ELAVL1: variants seen among roughly 807,000 people sequenced by gnomAD.
The protein encoded by ELAVL1 is ELAV-like protein 1.
ELAVL1 carries 1 observed loss-of-function variant against 28.4 expected under a neutral mutation model. That is an observed-to-expected ratio of 0.04 (90% CI 0.01 to 0.17). The LOEUF (loss-of-function observed/expected upper bound fraction) is 0.17, where lower values mean the gene tolerates loss of function less well. Ranked by LOEUF, ELAVL1 falls within the 10% of genes least tolerant of loss-of-function variation. The pLI is 1.00. For missense variants in ELAVL1, 157 were observed against 447.2 expected (o/e 0.35, Z 5.85); for synonymous variants, 174 against 183.5 (o/e 0.95, Z 0.42).
At chr19:7,980,976 C>T (rs375409571) in intron 3 of ELAVL1, 107 bp downstream of exon 3, 12 of 1,105,176 alleles carry the variant, frequency 1.1e-5, no homozygotes, top group South Asian at 9.0e-5. Context: ...CCCCGAGGAG[C>T]GGCTGTGCTC....
chr19:7,970,377 G>A (rs1173593729), intron 4 of ELAVL1, among the ~76,000 whole-genome samples: 1 of 152,168 alleles, frequency 6.6e-6, no homozygotes, highest in African/African-American at 2.4e-5. Flanking sequence ...GGATGGTCTC[G>A]ACCTCTCGAC....
chr19:8,003,355 C>CAAAAAAAAAAAAAAAAAAAAAAA (rs71165248), intron 1 of ELAVL1, among the ~76,000 whole-genome samples: 8 of 61,068 alleles, frequency 1.3e-4, no homozygotes, highest in South Asian at 9.8e-4. Context: ...GAAACTGTCT[C>CAAAAAAAAAAAAAAAAAAAAAAA]AAAAAAAAAA....
chr19:7,988,398 T>C (rs1442313527), intron 2 of ELAVL1, among the ~76,000 whole-genome samples: 1 of 151,678 alleles, frequency 6.6e-6, no homozygotes, highest in Non-Finnish European at 1.5e-5. Context: ...AAGAGGAGAA[T>C]GACATAACCC....
intron 2 of ELAVL1, among the ~76,000 whole-genome samples, chr19:7,988,457 AGGCGCTAAAGACAGATGGGGCAT>A (rs1490264430): frequency 6.6e-6 from 1 of 152,172 alleles, no homozygotes; most frequent in African/African-American, 2.4e-5. Flanking sequence ...GGCTGGGGAA[AGGCGCTAAAGACAGATGGGGCAT>A]GGCCTCAGGG....
intron 1 of ELAVL1, among the ~76,000 whole-genome samples, chr19:8,004,022 G>A (rs1004903930): frequency 6.6e-6 from 1 of 152,180 alleles, no homozygotes; most frequent in African/African-American, 2.4e-5. Flanking sequence ...CCACTTTAGT[G>A]CATGAGACTG....
chr19:8,002,102 G>A, intron 1 of ELAVL1: 2 of 1,289,310 alleles, frequency 1.6e-6, no homozygotes, highest in Non-Finnish European at 2.0e-6. Flanking sequence ...GAGCACTCCT[G>A]CCACCACTAC....
At chr19:7,967,016 T>G (rs932981597) in intron 5 of ELAVL1, among the ~76,000 whole-genome samples, 3 of 151,520 alleles carry the variant, frequency 2.0e-5, no homozygotes, top group Non-Finnish European at 4.4e-5. Flanking sequence ...TGGTGGGGAC[T>G]GGTGCTGTCT....
chr19:7,996,014 G>A (rs965818438), intron 1 of ELAVL1, among the ~76,000 whole-genome samples: 22 of 151,772 alleles, frequency 1.4e-4, no homozygotes, highest in Non-Finnish European at 2.9e-4. Flanking sequence ...TTGGGTTCAA[G>A]CAATCCTCCT....
Position 7,991,764 on chromosome 19 carries a change from C to G in ELAVL1, c.52G>C (p.Gly18Arg). 2 of 1,614,146 alleles carry G rather than the reference C, an allele frequency of 1.2e-6. No homozygotes were observed. Among genetic ancestry groups the G allele is most frequent in the Non-Finnish European group, 1.7e-6 (2 of 1,180,034 alleles). Reference protein sequence around the residue: ...HMAEDCRGDIGRTNLIVNYLP... With the variant: ...HMAEDCRGDIRRTNLIVNYLP... Reference sequence around the variant, plus strand: ...TAGTTGACGATCAAATTCGTTCTCCCGATGTCACCCCTGCAGTCTTCGGCC... The same window carrying G: ...TAGTTGACGATCAAATTCGTTCTCCGGATGTCACCCCTGCAGTCTTCGGCC... The change falls in exon 2 of 6, where the codon GGG (glycine) becomes CGG (arginine). Residue 18 changes from glycine (G) to arginine (R), a missense_variant. Physicochemically the swap from Gly to Arg is moderately radical, Grantham distance 125. Transcript: ENST00000407627.
In ELAVL1 at chr19:7,979,724, C is replaced by T. The variant is rs1236627563; in HGVS notation, c.276+1359G>A. Among the ~76,000 whole-genome samples the T allele has an allele frequency of 6.6e-6, 1 of 152,150 alleles. No individual in the cohort carries two copies. Among genetic ancestry groups the T allele is most frequent in the African/African-American group, 2.4e-5 (1 of 41,426 alleles). On this transcript the variant is annotated intron_variant, in intron 3 of 5. Transcript: ENST00000407627. The surrounding 1 kb of genome is among the most constrained non-coding windows in gnomAD (Gnocchi z 5.4). ...ACTGGACACGAGGAGGCAGGAGTGGCGCGCCTGCCCTCAGGGAGCCCACTG... is the reference window on the plus strand; with the variant it reads ...ACTGGACACGAGGAGGCAGGAGTGGTGCGCCTGCCCTCAGGGAGCCCACTG...
chr19:7,969,966 GTTT>G (rs995400349), intron 4 of ELAVL1, among the ~76,000 whole-genome samples: 2 of 151,754 alleles, frequency 1.3e-5, no homozygotes, highest in African/African-American at 4.8e-5. Context: ...TTCCCCTAGT[GTTT>G]TTTATTTTTA....
chr19:7,994,771 G>A (rs143621909), intron 1 of ELAVL1, among the ~76,000 whole-genome samples: 3 of 152,272 alleles, frequency 2.0e-5, no homozygotes, highest in South Asian at 2.1e-4. Flanking sequence ...GGACAACAAC[G>A]TGAGACCCTG....
At chr19:7,973,701 A>C (rs1985190270) in intron 4 of ELAVL1, 24 bp downstream of exon 4, 1 of 1,604,602 alleles carries the variant, frequency 6.2e-7, no homozygotes, top group Non-Finnish European at 8.5e-7. Context: ...CACCCTCCCC[A>C]CGCGTCTGGG....
At chr19:7,988,107 G>A (rs978766505) in intron 2 of ELAVL1, among the ~76,000 whole-genome samples, 2 of 152,208 alleles carry the variant, frequency 1.3e-5, no homozygotes, top group African/African-American at 4.8e-5. Context: ...AGGGGAAAGG[G>A]ATGGACTGAA....
Position 7,982,653 on chromosome 19 carries a change from C to T in ELAVL1, c.173-1467G>A, listed in dbSNP as rs1379153217. Among the ~76,000 whole-genome samples, 1 of 152,176 alleles carries T rather than the reference C, an allele frequency of 6.6e-6. No individual in the cohort carries two copies. The highest frequency in any genetic ancestry group is 1.5e-5 in the Non-Finnish European group (1 of 68,026). ...GCAAGTGAGTATGAAATGCTGGTGA[C>T]GATGAATGTTCCCATTACCTCTAGT... On this transcript the variant is annotated intron_variant, in intron 2 of 5. Coordinates refer to ENST00000407627, the MANE Select transcript of ELAVL1 (RefSeq NM_001419.3). The surrounding 1 kb of genome is among the most constrained non-coding windows in gnomAD (Gnocchi z 4.3).
intron 2 of ELAVL1, among the ~76,000 whole-genome samples, chr19:7,986,864 C>A (rs1985615598): frequency 6.6e-6 from 1 of 152,128 alleles, no homozygotes; most frequent in Admixed American, 6.5e-5. Context: ...CTGCTTATGG[C>A]CATGAATACG....
chr19:7,977,414 G>C (rs571545519), intron 3 of ELAVL1, among the ~76,000 whole-genome samples: 2 of 152,292 alleles, frequency 1.3e-5, no homozygotes, highest in East Asian at 3.9e-4. Context: ...TTTTTTATGG[G>C]GCTGTGGAGA....
In ELAVL1 at chr19:7,962,705, G is replaced by A. The variant is rs1984844465; in HGVS notation, c.*778C>T. 1 of 152,722 alleles carries A rather than the reference G, an allele frequency of 6.5e-6. No individual in the cohort carries two copies. The highest frequency in any genetic ancestry group is 2.4e-5 in the African/African-American group (1 of 41,470). 9.5% of individuals were successfully genotyped at this position (152,722 alleles called of 1,614,324 possible). A position where few individuals can be genotyped will look rare whatever the true frequency, so the allele number is the denominator to read the frequency against. On this transcript the variant is annotated 3_prime_UTR_variant, in exon 6 of 6. Transcript: ENST00000407627. The stretch of plus-strand genomic sequence containing the variant: ...GTGTGGGGCGCTGTGCATGCAATGT[G>A]TGGACAGAAACTCGGGATGTCAGAG...
Position 7,981,306 on chromosome 19 carries a change from T to G in ELAVL1, c.173-120A>C. 1 of 847,496 alleles carries G rather than the reference T, an allele frequency of 1.2e-6. No homozygotes were observed. The highest frequency in any genetic ancestry group is 1.9e-6 in the Non-Finnish European group (1 of 517,778). 52.5% of individuals were successfully genotyped at this position (847,496 alleles called of 1,614,324 possible). Reference sequence around the variant, plus strand: ...AATGGGATTACAGGTGCTAGCAAACTTTATTTTCTTTGGCAAACACGTACA... The same window carrying G: ...AATGGGATTACAGGTGCTAGCAAACGTTATTTTCTTTGGCAAACACGTACA... On this transcript the variant is annotated intron_variant, in intron 2 of 5. Transcript: ENST00000407627. This position sits in a 1 kb window ranked among gnomAD's most constrained non-coding sequence, Gnocchi z 4.2.
Sources: gnomAD v4.1 joint callset for allele counts (sites outside exome capture counted in the v4.1 genomes callset) on GRCh38, gnomAD v4.1.1 for gene constraint, Gnocchi (gnomAD v3.1) non-coding constraint, MANE v1.5 for transcripts, NCBI Gene and HGNC (gene_info 2026-07-23, HGNC 2026-07-21) for gene names.